SHPRH: variants seen among roughly 807,000 people sequenced by gnomAD.
SHPRH encodes the protein E3 ubiquitin-protein ligase SHPRH.
A neutral mutation model predicts 202.5 loss-of-function variants in SHPRH; 106 were observed. The ratio of observed to expected loss-of-function variants is 0.52; its 90% CI spans 0.45 to 0.62. The LOEUF (loss-of-function observed/expected upper bound fraction) is 0.62. SHPRH is among the 20% of genes least tolerant of loss of function. The pLI, the probability that SHPRH is intolerant of heterozygous loss-of-function variation, is 0.00. For missense variants in SHPRH, 1,710 were observed against 2,020.0 expected (o/e 0.85, Z 2.94); for synonymous variants, 729 against 686.0 (o/e 1.06, Z -0.98).
chr6:145,956,481 T>C (rs1033209638), intron 1 of SHPRH, among the ~76,000 whole-genome samples: 9 of 151,748 alleles, frequency 5.9e-5, no homozygotes, highest in African/African-American at 9.7e-5. Flanking sequence ...CTTTCAAAAA[T>C]GAAGGTGAAA....
chr6:145,953,123 T>C (rs948465225), intron 2 of SHPRH, among the ~76,000 whole-genome samples: 1 of 151,978 alleles, frequency 6.6e-6, no homozygotes, highest in African/African-American at 2.4e-5. Flanking sequence ...ACTATAAAAG[T>C]TTCTAATGGT....
chr6:145,916,822 G>A (rs902078004), intron 23 of SHPRH, among the ~76,000 whole-genome samples: 4 of 151,446 alleles, frequency 2.6e-5, no homozygotes, highest in South Asian at 2.1e-4. Flanking sequence ...TCGCTCTGTC[G>A]CCTAGGCTGG....
At chr6:145,886,830 A>C (rs923043432) in intron 29 of SHPRH, 43 bp from the exon 30 acceptor site, 1 of 1,587,626 alleles carries the variant, frequency 6.3e-7, no homozygotes, top group Non-Finnish European at 8.5e-7. Flanking sequence ...AGAAACCCCA[A>C]GCCATCAGCG....
chr6:145,895,088 C>A, intron 25 of SHPRH, 111 bp from the exon 26 acceptor site: 1 of 906,926 alleles, frequency 1.1e-6, no homozygotes, highest in Non-Finnish European at 1.7e-6. Context: ...TGCATCAAAA[C>A]AAATTATCAG....
chr6:145,963,376 G>A (rs1789302805), intron 1 of SHPRH, among the ~76,000 whole-genome samples: 1 of 152,174 alleles, frequency 6.6e-6, no homozygotes, highest in African/African-American at 2.4e-5. Flanking sequence ...TTAAGTACAA[G>A]TTGGAAGGCA....
intron 28 of SHPRH, among the ~76,000 whole-genome samples, chr6:145,890,653 C>T (rs1781495477): frequency 6.6e-6 from 1 of 152,124 alleles, no homozygotes; most frequent in Non-Finnish European, 1.5e-5. Flanking sequence ...TCTATCTAAA[C>T]TCACTCCTAG....
At chr6:145,922,469 A>T (rs1784508521) in intron 19 of SHPRH, 121 bp from the exon 20 acceptor site, 2 of 1,278,216 alleles carry the variant, frequency 1.6e-6, no homozygotes, top group South Asian at 1.5e-5. Context: ...TTTTAGAAAA[A>T]ACAAATCACA....
At chr6:145,930,793 A>C (rs1462441131) in intron 14 of SHPRH, among the ~76,000 whole-genome samples, 4 of 152,200 alleles carry the variant, frequency 2.6e-5, no homozygotes, top group African/African-American at 9.6e-5. Flanking sequence ...TTCTATACAT[A>C]ACTGAGAGAG....
At chr6:145,950,595 T>C (rs1446450293) in intron 3 of SHPRH, 113 bp from the exon 4 acceptor site, 1 of 901,104 alleles carries the variant, frequency 1.1e-6, no homozygotes, top group East Asian at 2.5e-5. Context: ...CCTTGCTCAG[T>C]GTGTTTTGTC....
Position 145,902,528 on chromosome 6 carries a change from A to C in SHPRH, c.4516-7551T>G, listed in dbSNP as rs567161439. ...AATTCTTCTAATAAACCAACCAAGTAGCATCTGATCTAGATTTTAATCCTC... is the reference window on the plus strand; with the variant it reads ...AATTCTTCTAATAAACCAACCAAGTCGCATCTGATCTAGATTTTAATCCTC... On this transcript the variant is annotated intron_variant, in intron 25 of 29. Coordinates refer to ENST00000275233, the MANE Select transcript of SHPRH (RefSeq NM_001042683.3). Among the ~76,000 whole-genome samples the C allele has an allele frequency of 2.6e-5, 4 of 152,268 alleles. No homozygotes were observed. In the South Asian group the frequency reaches 8.3e-4, roughly 32 times the overall value.
At chr6:145,910,706 AG>A in intron 24 of SHPRH, 70 bp from the exon 25 acceptor site, 14 of 1,376,626 alleles carry the variant, frequency 1.0e-5, no homozygotes, top group Non-Finnish European at 1.3e-5. Context: ...TATTAAAAAG[AG>A]ATTCGCAATT....
At chr6:145,922,865 T>C (rs765116721) in intron 18 of SHPRH, 29 bp from the exon 19 acceptor site, 2 of 1,527,772 alleles carry the variant, frequency 1.3e-6, no homozygotes, top group Non-Finnish European at 1.8e-6. Context: ...CCACACACAA[T>C]ACAAAGAAAA....
chr6:145,954,407 T>C (rs1429702998), intron 2 of SHPRH, among the ~76,000 whole-genome samples: 1 of 151,948 alleles, frequency 6.6e-6, no homozygotes, highest in Admixed American at 6.6e-5. Flanking sequence ...AAAGGCAAAA[T>C]AGCAAACAGA....
chr6:145,932,123 GA>G (rs1038513117), intron 14 of SHPRH, among the ~76,000 whole-genome samples: 1 of 151,930 alleles, frequency 6.6e-6, no homozygotes, highest in African/African-American at 2.4e-5. Flanking sequence ...TTGATTTCCA[GA>G]AGTTTGATTG....
rs560216937 is a variant in SHPRH, at chr6:145,957,453, C to T, written c.-32-2099G>A. Among the ~76,000 whole-genome samples, 16 of 152,136 alleles carry T rather than the reference C, an allele frequency of 1.1e-4. No individual in the cohort carries two copies. The South Asian group carries it at 3.1e-3, about 30-fold the overall frequency. On this transcript the variant is annotated intron_variant, in intron 1 of 29. Transcript: ENST00000275233. ...CAGATGGGAGAAAATATTAGCAAAT[C>T]AAGTATCTGATGAAGGATATGTTTG...
intron 29 of SHPRH, among the ~76,000 whole-genome samples, 190 bp downstream of exon 29, chr6:145,887,830 T>C (rs1781212969): frequency 6.6e-6 from 1 of 152,198 alleles, no homozygotes; most frequent in Admixed American, 6.5e-5. Context: ...TTACAATTAA[T>C]AAATTAATTC....
At chr6:145,936,007 A>G (rs1039978262) in intron 11 of SHPRH, among the ~76,000 whole-genome samples, 1 of 152,202 alleles carries the variant, frequency 6.6e-6, no homozygotes, top group African/African-American at 2.4e-5. Context: ...AAATAAATAA[A>G]TTATAGTAAT....
At chr6:145,924,914 G>A (rs1784729643) in intron 16 of SHPRH, 68 bp from the exon 17 acceptor site, 3 of 1,249,600 alleles carry the variant, frequency 2.4e-6, no homozygotes, top group South Asian at 2.6e-5. Context: ...GATGTTTCAA[G>A]AAGAATGGGT....
At chr6:145,896,737 A>T (rs2128719527) in intron 25 of SHPRH, among the ~76,000 whole-genome samples, 1 of 152,178 alleles carries the variant, frequency 6.6e-6, no homozygotes, top group African/African-American at 2.4e-5. Flanking sequence ...GAAACCCATA[A>T]TAGGAGGAAT....
Sources: allele counts gnomAD v4.1 joint callset (sites outside exome capture counted in the v4.1 genomes callset), GRCh38; gene constraint gnomAD v4.1.1; transcripts MANE v1.5; gene names NCBI Gene and HGNC (gene_info 2026-07-23, HGNC 2026-07-21).